MAP3K13: variants seen among roughly 807,000 people sequenced by gnomAD.
MAP3K13 encodes leucine zipper-bearing kinase.
MAP3K13 carries 52 observed loss-of-function variants against 104.0 expected under a neutral mutation model. The observed-to-expected ratio is 0.50, with a 90% CI of 0.40 to 0.63. The LOEUF (loss-of-function observed/expected upper bound fraction) is 0.63, where lower values mean the gene tolerates loss of function less well. MAP3K13 is among the 20% of genes least tolerant of loss of function. The probability of loss-of-function intolerance (pLI) is 0.00; values close to 1 mark genes in which losing one functional copy is unlikely to be tolerated. For synonymous variants in MAP3K13, 394 were observed against 442.2 expected, an observed-to-expected ratio of 0.89 and a Z score of 1.37; for missense variants, 914 against 1,218.5, an observed-to-expected ratio of 0.75 and a Z score of 3.72.
chr3:185,389,387 A>T (rs1711899195), intron 1 of MAP3K13, among the ~76,000 whole-genome samples: 2 of 152,182 alleles, frequency 1.3e-5, no homozygotes, highest in African/African-American at 4.8e-5. Flanking sequence ...ATAATTACAG[A>T]ACCTAACAGG....
Position 185,455,707 on chromosome 3 carries a change from TATATATGAG to T in MAP3K13, c.1278+4319_1278+4327del, listed in dbSNP as rs1409308820. Among the ~76,000 whole-genome samples the T allele has an allele frequency of 7.9e-3, 96 of 12,106 alleles. 4 individuals are homozygous for T. The highest frequency in any genetic ancestry group is 0.015 in the Admixed American group (10 of 680). The allele number at this position is 12,106 out of a possible 152,430, so 7.9% of individuals were successfully genotyped here. On this transcript the variant is annotated intron_variant, in intron 7 of 13. Transcript: ENST00000265026. ...ATATATATATGATATATATATGAGA[TATATATGAG>T]ATATATATGATATATATATGAGATA...
chr3:185,357,547 T>C (rs1479854780), intron 2 of MAP3K13, among the ~76,000 whole-genome samples: 1 of 152,008 alleles, frequency 6.6e-6, no homozygotes, highest in Non-Finnish European at 1.5e-5. Flanking sequence ...CTTCTTTTGC[T>C]CTTTCAGTGT....
intron 1 of MAP3K13, among the ~76,000 whole-genome samples, chr3:185,409,895 T>A (rs1218475818): frequency 6.6e-6 from 1 of 152,174 alleles, no homozygotes; most frequent in Non-Finnish European, 1.5e-5. Flanking sequence ...AGTTTCGTAG[T>A]AGACAATTTT....
intron 7 of MAP3K13, 133 bp downstream of exon 7, chr3:185,451,528 TATG>T (rs1715882736): frequency 1.6e-6 from 1 of 628,924 alleles, no homozygotes; most frequent in Non-Finnish European, 2.9e-6. Flanking sequence ...ACACAATAAA[TATG>T]ATACTTCACA....
At chr3:185,311,252 A>C (rs1317370127) in intron 2 of MAP3K13, among the ~76,000 whole-genome samples, 1 of 152,178 alleles carries the variant, frequency 6.6e-6, no homozygotes, top group African/African-American at 2.4e-5. Flanking sequence ...ACAGTTCCAC[A>C]TGGCTGGGGA....
At chr3:185,316,025 G>A (rs1456885748) in intron 2 of MAP3K13, among the ~76,000 whole-genome samples, 1 of 152,024 alleles carries the variant, frequency 6.6e-6, no homozygotes, top group Non-Finnish European at 1.5e-5. Context: ...AGGGCAAAGT[G>A]CGTCTTGATT....
At chr3:185,357,567 C>T (rs11710734) in intron 2 of MAP3K13, among the ~76,000 whole-genome samples, 25,316 of 151,352 alleles carry the variant, frequency 0.17, 2,251 homozygotes, top group Non-Finnish European at 0.19. Flanking sequence ...TATAAAGTAC[C>T]TTTGCAAACT....
chr3:185,455,248 T>C (rs181673686), intron 7 of MAP3K13, among the ~76,000 whole-genome samples: 2 of 50,350 alleles, frequency 4.0e-5, no homozygotes, highest in African/African-American at 1.2e-4. Context: ...ATATATATGA[T>C]ATATATGAGA....
intron 2 of MAP3K13, among the ~76,000 whole-genome samples, chr3:185,347,250 GCTGGGATTACAGGCATGAACCA>G (rs1393375242): frequency 6.6e-6 from 1 of 152,084 alleles, no homozygotes. Flanking sequence ...CTCCCAAAGT[GCTGGGATTACAGGCATGAACCA>G]CTGCACCTGG....
intron 1 of MAP3K13, among the ~76,000 whole-genome samples, chr3:185,366,799 A>G (rs910162858): frequency 4.6e-5 from 7 of 152,178 alleles, no homozygotes; most frequent in African/African-American, 1.7e-4. Flanking sequence ...TTTAATCCTG[A>G]CTTGCAAGTG....
chr3:185,357,133 A>G (rs1265144786), intron 2 of MAP3K13, among the ~76,000 whole-genome samples: 2 of 151,368 alleles, frequency 1.3e-5, no homozygotes, highest in African/African-American at 2.4e-5. Context: ...CTCTTTTTAC[A>G]TGAGCTCTAA....
At chr3:185,294,387 A>C (rs932587620) in intron 2 of MAP3K13, among the ~76,000 whole-genome samples, 2 of 152,222 alleles carry the variant, frequency 1.3e-5, no homozygotes, top group Non-Finnish European at 2.9e-5. Flanking sequence ...GCTTTAGTGT[A>C]CTGAAATGCT....
intron 2 of MAP3K13, among the ~76,000 whole-genome samples, chr3:185,347,621 T>G (rs1351462727): frequency 6.6e-6 from 1 of 152,208 alleles, no homozygotes; most frequent in East Asian, 1.9e-4. Flanking sequence ...AAAGCATTCT[T>G]TCATTCGATT....
At chr3:185,401,897 C>A (rs564886491) in intron 1 of MAP3K13, among the ~76,000 whole-genome samples, 2 of 152,046 alleles carry the variant, frequency 1.3e-5, no homozygotes, top group Non-Finnish European at 2.9e-5. Flanking sequence ...GCTTATGGAG[C>A]GACCTCTTAC....
Position 185,454,885 on chromosome 3 carries a change from T to G in MAP3K13, c.1278+3490T>G, listed in dbSNP as rs547398417. Among the ~76,000 whole-genome samples the G allele has an allele frequency of 1.0e-4, 7 of 68,056 alleles. No homozygotes were observed. In the East Asian group the frequency reaches 2.6e-3, roughly 25 times the overall value. The allele number at this position is 68,056 out of a possible 152,430, so 44.6% of individuals were successfully genotyped here. The stretch of plus-strand genomic sequence containing the variant: ...ATATATATATGAGATATATATATGA[T>G]ATATATATGAGATATATATATGATA... On this transcript the variant is annotated intron_variant, in intron 7 of 13. Transcript: ENST00000265026.
chr3:185,418,814 C>A lies in MAP3K13; in HGVS notation c.-85-9683C>A, dbSNP rs981540554. On this transcript the variant is annotated intron_variant, in intron 1 of 13. Transcript: ENST00000265026. This position sits in a 1 kb window ranked among gnomAD's most constrained non-coding sequence, Gnocchi z 4.5. ...GGAGACAGCCACGCTCCTCTCAGCC[C>A]GGCTGCTGCCACAGGAAAAGCATGT... The A allele has an allele frequency of 1.3e-6, 2 of 1,565,924 alleles. No individual in the cohort carries two copies. Among genetic ancestry groups the A allele is most frequent in the African/African-American group, 1.3e-5 (1 of 74,086 alleles).
At chr3:185,480,876 T>G (rs920480741) in intron 13 of MAP3K13, among the ~76,000 whole-genome samples, 10 of 152,120 alleles carry the variant, frequency 6.6e-5, no homozygotes, top group African/African-American at 2.2e-4. Flanking sequence ...TCAGATCTCA[T>G]GAGAACTCAC....
chr3:185,477,591 C>T (rs537772491), intron 12 of MAP3K13, among the ~76,000 whole-genome samples, 195 bp downstream of exon 12: 1 of 152,330 alleles, frequency 6.6e-6, no homozygotes, highest in South Asian at 2.1e-4. Flanking sequence ...AGTTCATTAG[C>T]ATTCATTTTA....
upstream of MAP3K13, chr3:185,363,009 G>A (rs116542542): frequency 1.3e-3 from 1,117 of 883,508 alleles, 9 homozygotes; most frequent in African/African-American, 0.019. Context: ...TCTTAAGGCA[G>A]TGGCAGATGC....
Sources: gnomAD v4.1 joint callset for allele counts (sites outside exome capture counted in the v4.1 genomes callset) on GRCh38, gnomAD v4.1.1 for gene constraint, Gnocchi (gnomAD v3.1) non-coding constraint, MANE v1.5 for transcripts, NCBI Gene and HGNC (gene_info 2026-07-23, HGNC 2026-07-21) for gene names.